The following KIF21A variants were observed in gnomAD, a reference collection of about 807,000 sequenced individuals.
The protein encoded by KIF21A is kinesin family member 21A.
KIF21A carries 114 observed loss-of-function variants against 202.9 expected under a neutral mutation model. That is an observed-to-expected ratio of 0.56 (90% CI 0.48 to 0.66). The LOEUF (loss-of-function observed/expected upper bound fraction) is 0.66, where lower values mean the gene tolerates loss of function less well. Ranked by LOEUF, KIF21A falls within the 30% of genes least tolerant of loss-of-function variation. The probability of loss-of-function intolerance (pLI) is 0.00; values close to 1 mark genes in which losing one functional copy is unlikely to be tolerated. For synonymous variants in KIF21A, 667 were observed against 670.8 expected (o/e 0.99, Z 0.09); for missense variants, 1,677 against 1,994.9 (o/e 0.84, Z 3.04).
intron 1 of KIF21A, among the ~76,000 whole-genome samples, chr12:39,383,395 T>C (rs1236092043): frequency 6.6e-6 from 1 of 152,232 alleles, no homozygotes; most frequent in East Asian, 1.9e-4. Context: ...AAGTAGATTA[T>C]AAAGGTTCCT....
At chr12:39,303,543 C>T (rs1471799397) in intron 35 of KIF21A, among the ~76,000 whole-genome samples, 1 of 152,152 alleles carries the variant, frequency 6.6e-6, no homozygotes, top group African/African-American at 2.4e-5. Flanking sequence ...TGAATGACAA[C>T]TGAAGATAAA....
chr12:39,323,510 C>A (rs1945516553), intron 26 of KIF21A, among the ~76,000 whole-genome samples: 1 of 152,160 alleles, frequency 6.6e-6, no homozygotes, highest in East Asian at 1.9e-4. Context: ...CTGGACAACA[C>A]CAGCTAGTAT....
chr12:39,412,970 AACAAAC>A (rs1953237942), intron 1 of KIF21A, among the ~76,000 whole-genome samples: 1 of 152,236 alleles, frequency 6.6e-6, no homozygotes, highest in Non-Finnish European at 1.5e-5. Context: ...TCTCATTTAA[AACAAAC>A]AAATATGAAT....
chr12:39,373,483 G>C (rs1451789736), intron 1 of KIF21A, among the ~76,000 whole-genome samples: 1 of 152,048 alleles, frequency 6.6e-6, no homozygotes, highest in Non-Finnish European at 1.5e-5. Flanking sequence ...TTAACTCCAA[G>C]TCTCTGCTTT....
At chr12:39,343,335 G>C (rs1037242139) in intron 12 of KIF21A, among the ~76,000 whole-genome samples, 1 of 151,810 alleles carries the variant, frequency 6.6e-6, no homozygotes, top group Admixed American at 6.6e-5. Flanking sequence ...ACTCTAGCCC[G>C]GGCAACAGAG....
chr12:39,299,429 C>A (rs1942748042), intron 37 of KIF21A, among the ~76,000 whole-genome samples: 2 of 152,064 alleles, frequency 1.3e-5, no homozygotes, highest in Non-Finnish European at 2.9e-5. Flanking sequence ...GTCAAAATGG[C>A]TACTATTAAA....
At chr12:39,418,442 T>C (rs1171902962) in intron 1 of KIF21A, among the ~76,000 whole-genome samples, 1 of 152,216 alleles carries the variant, frequency 6.6e-6, no homozygotes, top group Non-Finnish European at 1.5e-5. Flanking sequence ...AACTGATACA[T>C]GAAAACAATA....
chr12:39,379,922 C>A (rs1950507209), intron 1 of KIF21A, among the ~76,000 whole-genome samples: 1 of 152,186 alleles, frequency 6.6e-6, no homozygotes, highest in South Asian at 2.1e-4. Flanking sequence ...CTATTGAGAT[C>A]CTGATCAAAT....
chr12:39,334,784 T>TATATGTG (rs1196495880), intron 17 of KIF21A, among the ~76,000 whole-genome samples: 2 of 152,178 alleles, frequency 1.3e-5, no homozygotes, highest in East Asian at 3.8e-4. Flanking sequence ...ATGTTAGCTT[T>TATATGTG]ATATGTGACT....
intron 32 of KIF21A, among the ~76,000 whole-genome samples, chr12:39,310,399 T>A (rs2137348393): frequency 6.6e-6 from 1 of 152,102 alleles, no homozygotes; most frequent in East Asian, 1.9e-4. Context: ...CTAGCTGGGA[T>A]CTTATACTTC....
At chr12:39,432,608 G>A (rs1473304992) in intron 1 of KIF21A, among the ~76,000 whole-genome samples, 5 of 151,378 alleles carry the variant, frequency 3.3e-5, no homozygotes, top group Non-Finnish European at 2.9e-5. Context: ...ATATAAAGAT[G>A]GACAAATTCT....
chr12:39,322,049 T>TAC (rs1945326404), intron 27 of KIF21A: 1 of 152,442 alleles, frequency 6.6e-6, no homozygotes, highest in South Asian at 2.1e-4. Flanking sequence ...TTATTTTGAA[T>TAC]AGAAGGTTTT....
intron 12 of KIF21A, among the ~76,000 whole-genome samples, chr12:39,345,332 T>A (rs1947805385): frequency 6.6e-6 from 1 of 152,158 alleles, no homozygotes; most frequent in Non-Finnish European, 1.5e-5. Flanking sequence ...TTTAATGCCT[T>A]AACTTAATTC....
At chr12:39,392,226 C>T (rs1390336958) in intron 1 of KIF21A, among the ~76,000 whole-genome samples, 1 of 152,072 alleles carries the variant, frequency 6.6e-6, no homozygotes, top group Non-Finnish European at 1.5e-5. Flanking sequence ...AAAAGTGCTG[C>T]CTGGCTTTTC....
rs1268541333 is a variant in KIF21A, at chr12:39,385,821, G to A, written c.45-15560C>T. On this transcript the variant is annotated intron_variant, in intron 1 of 37. Transcript: ENST00000361418. ...AATTTTTAAACACATTGTATCAAAT[G>A]TAATGCACATAAGCATTTCACTGTA... Among the ~76,000 whole-genome samples, 7 of 152,126 alleles carry A rather than the reference G, an allele frequency of 4.6e-5. No homozygotes were observed. The East Asian group carries it at 1.3e-3, about 29-fold the overall frequency.
intron 36 of KIF21A, 91 bp downstream of exon 36, chr12:39,302,874 A>C (rs1164241363): frequency 3.2e-5 from 36 of 1,115,136 alleles, no homozygotes; most frequent in Non-Finnish European, 4.4e-5. Context: ...GTAAATGATA[A>C]AAATCTACAT....
rs140298976 is a variant in KIF21A at position 39,377,893 on chromosome 12, C to T, written c.45-7632G>A. Among the ~76,000 whole-genome samples the T allele has an allele frequency of 4.2e-3, 634 of 152,240 alleles. 3 individuals are homozygous for T. The highest frequency in any genetic ancestry group is 6.1e-3 in the Non-Finnish European group (413 of 68,006). Reference sequence around the variant, plus strand: ...GTTAAAAGCAATCCAGAAATCTTATCCTAATCTATATAATTAGCTCTGTAT... The same window carrying T: ...GTTAAAAGCAATCCAGAAATCTTATTCTAATCTATATAATTAGCTCTGTAT... On this transcript the variant is annotated intron_variant, in intron 1 of 37. Coordinates refer to ENST00000361418, the MANE Select transcript of KIF21A (RefSeq NM_001173464.2).
At chr12:39,354,721 T>C (rs1472725464) in intron 10 of KIF21A, among the ~76,000 whole-genome samples, 2 of 152,170 alleles carry the variant, frequency 1.3e-5, no homozygotes, top group African/African-American at 2.4e-5. Flanking sequence ...GACAGAAATA[T>C]AGGTTGAAGT....
intron 37 of KIF21A, among the ~76,000 whole-genome samples, chr12:39,296,869 T>G (rs1050382023): frequency 5.9e-5 from 9 of 152,222 alleles, no homozygotes; most frequent in Admixed American, 4.6e-4. Context: ...ACTGTAGGGT[T>G]TTGAATAGAG....
Sources: gnomAD v4.1 joint callset for allele counts (sites outside exome capture counted in the v4.1 genomes callset) on GRCh38, gnomAD v4.1.1 for gene constraint, MANE v1.5 for transcripts, NCBI Gene and HGNC (gene_info 2026-07-23, HGNC 2026-07-21) for gene names.